The following CSMD3 variants were observed in gnomAD, a reference collection of about 807,000 sequenced individuals.
CSMD3 encodes the protein CUB and Sushi multiple domains 3, also known as CUB and sushi domain-containing protein 3.
A neutral mutation model predicts 435.2 loss-of-function variants in CSMD3; 177 were observed. The ratio of observed to expected loss-of-function variants is 0.41; its 90% confidence interval spans 0.36 to 0.46. The LOEUF is 0.46. Among genes scored for constraint, CSMD3 ranks in the 20% least tolerant of loss-of-function variants. The probability of loss-of-function intolerance (pLI) is 0.34; values close to 1 mark genes in which losing one functional copy is unlikely to be tolerated. For missense variants in CSMD3, 4,265 were observed against 4,504.6 expected, an observed-to-expected ratio of 0.95 and a Z score of 1.52; for synonymous variants, 1,656 against 1,520.5, an observed-to-expected ratio of 1.09 and a Z score of -2.07.
At chr8:112,774,688 A>G (rs1336335106) in intron 13 of CSMD3, among the ~76,000 whole-genome samples, 2 of 151,966 alleles carry the variant, frequency 1.3e-5, no homozygotes, top group Non-Finnish European at 2.9e-5. Flanking sequence ...ATTAGAGACA[A>G]TTCATTTTGT....
In CSMD3 at chr8:112,420,526, T is replaced by C. The variant is rs192199432; in HGVS notation, c.5396-11494A>G. 1.9e-3 allele frequency among the ~76,000 whole-genome samples: 296 copies of C among 152,310 alleles called. 1 individual carries two copies. Among genetic ancestry groups the C allele is most frequent in the African/African-American group, 6.6e-3 (276 of 41,580 alleles). ...TAATCAAATCTGAATTCAAAGTCCA[T>C]ACATTTCATTCGATTGATGTGTTGC... is the stretch of plus-strand genomic sequence containing the variant. On this transcript the variant is annotated intron_variant, in intron 32 of 70. Transcript: ENST00000297405.
intron 13 of CSMD3, among the ~76,000 whole-genome samples, chr8:112,733,271 T>C (rs542340705): frequency 1.3e-5 from 2 of 152,200 alleles, no homozygotes; most frequent in Non-Finnish European, 2.9e-5. Context: ...GAATTAAGCA[T>C]CATATTGACA....
At chr8:112,414,498 T>C (rs1811698790) in intron 32 of CSMD3, among the ~76,000 whole-genome samples, 1 of 152,176 alleles carries the variant, frequency 6.6e-6, no homozygotes, top group African/African-American at 2.4e-5. Flanking sequence ...TGTGAATCAA[T>C]TAAACCTTTT....
chr8:112,388,220 G>C (rs1400982689), intron 36 of CSMD3, among the ~76,000 whole-genome samples: 1 of 152,122 alleles, frequency 6.6e-6, no homozygotes, highest in African/African-American at 2.4e-5. Flanking sequence ...AATGAGAACA[G>C]AGCACAACGG....
intron 5 of CSMD3, among the ~76,000 whole-genome samples, chr8:113,052,072 T>G (rs1195726908): frequency 6.6e-6 from 1 of 152,226 alleles, no homozygotes; most frequent in Non-Finnish European, 1.5e-5. Flanking sequence ...TAGTAAACAT[T>G]AATAAACACT....
rs555873491 is a variant in CSMD3 at position 113,178,963 on chromosome 8, A to G, written c.515-5047T>C. 1.7e-3 allele frequency among the ~76,000 whole-genome samples: 261 copies of G among 152,000 alleles called. 1 individual carries two copies. Among genetic ancestry groups the G allele is most frequent in the Middle Eastern group, 3.4e-3 (1 of 294 alleles). On this transcript the variant is annotated intron_variant, in intron 3 of 70. Transcript: ENST00000297405. ...CGTGGGGTGCTATCTGCTTTTTAAA[A>G]GAGTAATTGAGAGTAAATAATTAAA... is the stretch of plus-strand genomic sequence containing the variant.
At chr8:112,880,129 T>G (rs2081406669) in intron 10 of CSMD3, among the ~76,000 whole-genome samples, 1 of 152,212 alleles carries the variant, frequency 6.6e-6, no homozygotes, top group East Asian at 1.9e-4. Flanking sequence ...AATTTAATGC[T>G]TAAATTAAAT....
At chr8:112,779,849 T>C (rs2078338952) in intron 13 of CSMD3, among the ~76,000 whole-genome samples, 2 of 152,058 alleles carry the variant, frequency 1.3e-5, no homozygotes, top group South Asian at 4.1e-4. Context: ...AGAACTCTGA[T>C]CTCCTCTGCT....
At chr8:113,203,461 G>A (rs927315304) in intron 3 of CSMD3, among the ~76,000 whole-genome samples, 1 of 151,256 alleles carries the variant, frequency 6.6e-6, no homozygotes, top group African/African-American at 2.4e-5. Flanking sequence ...TTTTAGAGAT[G>A]GAGCCTCACT....
rs144851298 is a variant in CSMD3 at position 113,430,306 on chromosome 8, G to A, written c.178+6371C>T. ...AATAATATTGGCAATAGCTACTAGT[G>A]CCAAGCACTGGGCTAGGTACGTAAT... On this transcript the variant is annotated intron_variant, in intron 1 of 70. Coordinates refer to ENST00000297405, the MANE Select transcript of CSMD3 (RefSeq NM_198123.2). Among the ~76,000 whole-genome samples, 6 of 152,236 alleles carry A rather than the reference G, an allele frequency of 3.9e-5. No homozygotes were observed. The South Asian group carries it at 8.3e-4, about 21-fold the overall frequency.
At chr8:112,330,907 G>T (rs1382911361) in intron 45 of CSMD3, among the ~76,000 whole-genome samples, 2 of 151,968 alleles carry the variant, frequency 1.3e-5, no homozygotes, top group Non-Finnish European at 2.9e-5. Context: ...TTCAAAAAGG[G>T]ATCATTCTTT....
intron 13 of CSMD3, among the ~76,000 whole-genome samples, chr8:112,743,662 T>C (rs2077364965): frequency 6.6e-6 from 1 of 152,024 alleles, no homozygotes; most frequent in Admixed American, 6.6e-5. Context: ...GAAGACAGAA[T>C]TGCCTCTCTA....
chr8:112,730,641 T>G (rs1463192860), intron 13 of CSMD3, among the ~76,000 whole-genome samples: 1 of 152,164 alleles, frequency 6.6e-6, no homozygotes, highest in Admixed American at 6.6e-5. Context: ...CCCCGTTTTC[T>G]CAACTTGCTC....
chr8:113,430,423 T>C (rs2094664994), intron 1 of CSMD3, among the ~76,000 whole-genome samples: 1 of 152,124 alleles, frequency 6.6e-6, no homozygotes, highest in Admixed American at 6.5e-5. Context: ...GAATTGCTAG[T>C]CCAAAGATAA....
intron 17 of CSMD3, among the ~76,000 whole-genome samples, chr8:112,665,203 T>C (rs1485496305): frequency 6.6e-6 from 1 of 152,158 alleles, no homozygotes; most frequent in Non-Finnish European, 1.5e-5. Flanking sequence ...TTTATGTCAC[T>C]TCCTTTTTTT....
At chr8:113,349,684 C>T (rs1007824815) in intron 1 of CSMD3, among the ~76,000 whole-genome samples, 1 of 152,022 alleles carries the variant, frequency 6.6e-6, no homozygotes, top group Non-Finnish European at 1.5e-5. Context: ...GGAATAACCT[C>T]TTTTATAAAC....
rs748517038 is a variant in CSMD3 at position 112,241,773 on chromosome 8, ATTT to A, written c.10412_10414del (p.Lys3471del). 1 of 1,612,232 alleles carries A rather than the reference ATTT, an allele frequency of 6.2e-7. No homozygotes were observed. The highest frequency in any genetic ancestry group is 1.1e-5 in the South Asian group (1 of 91,050). On this transcript the variant is annotated inframe_deletion, in exon 66 of 71. Transcript: ENST00000297405. ...TGCAGGTCTAGGATCTTTCACCAAT[ATTT>A]TAGAACCAGCTATGAAAAGAAATAA...
chr8:113,068,905 G>A (rs1172136987), intron 5 of CSMD3, among the ~76,000 whole-genome samples: 3 of 151,692 alleles, frequency 2.0e-5, no homozygotes, highest in African/African-American at 2.4e-5. Context: ...AAATTCTAGC[G>A]AGACAAATTC....
chr8:112,711,184 A>G (rs1262115030), intron 13 of CSMD3, among the ~76,000 whole-genome samples: 1 of 152,172 alleles, frequency 6.6e-6, no homozygotes, highest in African/African-American at 2.4e-5. Flanking sequence ...ATTAAGTAAA[A>G]GGTGAAAGGT....
Sources: gnomAD v4.1 joint callset for allele counts (sites outside exome capture counted in the v4.1 genomes callset) on GRCh38, gnomAD v4.1.1 for gene constraint, MANE v1.5 for transcripts, NCBI Gene and HGNC (gene_info 2026-07-23, HGNC 2026-07-21) for gene names.